FNDC3B: variants seen among roughly 807,000 people sequenced by gnomAD.
The protein encoded by FNDC3B is fibronectin type III domain containing 3B.
In FNDC3B, 12 loss-of-function variants were observed where a neutral mutation model predicts 151.5. The ratio of observed to expected loss-of-function variants is 0.08; its 90% confidence interval spans 0.05 to 0.13. The LOEUF is 0.13. Ranked by LOEUF, FNDC3B falls within the 10% of genes least tolerant of loss-of-function variation. The pLI, the probability that FNDC3B is intolerant of heterozygous loss-of-function variation, is 1.00. For synonymous variants in FNDC3B, 528 were observed against 549.0 expected (o/e 0.96, Z 0.54); for missense variants, 1,214 against 1,505.3 (o/e 0.81, Z 3.20).
chr3:172,394,106 T>TAACAAAAAAA (rs1736154686), intron 25 of FNDC3B, among the ~76,000 whole-genome samples: 1 of 16,644 alleles, frequency 6.0e-5, no homozygotes, highest in Non-Finnish European at 1.1e-4. Context: ...AGACTCCTTC[T>TAACAAAAAAA]AAAAAAAAAA....
Position 172,352,867 on chromosome 3 carries a change from C to T in FNDC3B, c.2579C>T (p.Ala860Val), listed in dbSNP as rs749718449. ...GTCCTTTGCCAGACGCCAGCGTCTG[C>T]CCCTGACCCCGTCTCCACTCTCTGT... ...ELVLCQTPAS[A>V]PDPVSTLCVL... is the part of the protein sequence containing the mutation. Residue 860 changes from alanine (A) to valine (V), a missense_variant, in exon 22 of 26, where the codon GCC becomes GTC. Physicochemically the swap from Ala to Val is moderately conservative, Grantham distance 64. Transcript: ENST00000415807. The surrounding 1 kb of genome is among the most constrained non-coding windows in gnomAD (Gnocchi z 4.2). The T allele has an allele frequency of 3.7e-6, 6 of 1,614,130 alleles. No individual in the cohort carries two copies. The South Asian group carries it at 5.5e-5, about 15-fold the overall frequency.
At chr3:172,386,995 C>T (rs1046323765) in intron 25 of FNDC3B, among the ~76,000 whole-genome samples, 5 of 152,028 alleles carry the variant, frequency 3.3e-5, no homozygotes, top group Non-Finnish European at 5.9e-5. Flanking sequence ...CTCGCTCTGT[C>T]GCCCAGGCTG....
At position 172,100,476 on chromosome 3, in the gene FNDC3B, GAA is replaced by G. The variant is rs112019144; in HGVS notation, c.-28-11973_-28-11972del. 6.9e-4 allele frequency among the ~76,000 whole-genome samples: 105 copies of G among 152,246 alleles called. 1 individual carries two copies. The highest frequency in any genetic ancestry group is 2.4e-3 in the African/African-American group (101 of 41,546). On this transcript the variant is annotated intron_variant, in intron 1 of 25. Transcript: ENST00000415807. ...GGTGTGCGACAGTTTTCTGTCGAGAGAAAATATTTTTCTAGAGAATTTTGCAT... is the reference window on the plus strand; with the variant it reads ...GGTGTGCGACAGTTTTCTGTCGAGAGAATATTTTTCTAGAGAATTTTGCAT...
intron 6 of FNDC3B, among the ~76,000 whole-genome samples, chr3:172,255,731 A>G (rs1289204459): frequency 2.6e-5 from 4 of 152,190 alleles, no homozygotes. Flanking sequence ...AAAGGTTGCC[A>G]CTGGGTAGAA....
At chr3:172,362,607 C>T in intron 22 of FNDC3B, 26 bp from the exon 23 acceptor site, 1 of 1,529,640 alleles carries the variant, frequency 6.5e-7, no homozygotes, top group Non-Finnish European at 9.1e-7. Context: ...CCTGCATTGT[C>T]TGTATTTTTT....
rs28813196 is a variant in FNDC3B, at chr3:172,360,511, A to G, written c.2796-2122A>G. On this transcript the variant is annotated intron_variant, in intron 22 of 25. Coordinates refer to ENST00000415807, the MANE Select transcript of FNDC3B (RefSeq NM_022763.4). ...TTCATGTCATATCCAAAAACTCTTT[A>G]CTTAATTCTAGGTAGTAGATTTTCT... Among the ~76,000 whole-genome samples the G allele has an allele frequency of 5.5e-3, 834 of 152,270 alleles. 6 individuals carry two copies. Among genetic ancestry groups the G allele is most frequent in the African/African-American group, 0.019 (796 of 41,562 alleles).
chr3:172,313,906 G>A (rs1475619373), intron 11 of FNDC3B, among the ~76,000 whole-genome samples: 1 of 152,064 alleles, frequency 6.6e-6, no homozygotes, highest in Non-Finnish European at 1.5e-5. Flanking sequence ...TTAGAGCTAA[G>A]TTGAGGATCA....
At chr3:172,248,237 T>C (rs1727881933) in intron 5 of FNDC3B, among the ~76,000 whole-genome samples, 2 of 152,180 alleles carry the variant, frequency 1.3e-5, no homozygotes. Flanking sequence ...CTCAAGAACC[T>C]TTAGGTTTCC....
intron 3 of FNDC3B, among the ~76,000 whole-genome samples, chr3:172,196,857 A>G (rs1316300994): frequency 6.6e-6 from 1 of 152,092 alleles, no homozygotes; most frequent in African/African-American, 2.4e-5. Context: ...GGTTAAATAT[A>G]TGCTTTCGGT....
chr3:172,097,934 TTAG>T (rs758748576), intron 1 of FNDC3B, among the ~76,000 whole-genome samples: 1 of 152,190 alleles, frequency 6.6e-6, no homozygotes, highest in Non-Finnish European at 1.5e-5. Context: ...AATTGATAGA[TTAG>T]TAGAACTGGC....
At chr3:172,238,715 A>T (rs1727297559) in intron 4 of FNDC3B, among the ~76,000 whole-genome samples, 1 of 152,206 alleles carries the variant, frequency 6.6e-6, no homozygotes. Context: ...ACCATATTAG[A>T]AAATGCAGAG....
At chr3:172,195,062 A>T (rs1488994368) in intron 3 of FNDC3B, among the ~76,000 whole-genome samples, 1 of 152,240 alleles carries the variant, frequency 6.6e-6, no homozygotes, top group Non-Finnish European at 1.5e-5. Context: ...AAAGAAAACA[A>T]AGTCTAAATT....
At chr3:172,372,595 G>A (rs1212746919) in intron 23 of FNDC3B, among the ~76,000 whole-genome samples, 1 of 152,158 alleles carries the variant, frequency 6.6e-6, no homozygotes, top group African/African-American at 2.4e-5. Context: ...AGAACTAAAT[G>A]TCTGGCATAG....
chr3:172,346,284 C>A, intron 19 of FNDC3B, 43 bp from the exon 20 acceptor site: 3 of 1,147,360 alleles, frequency 2.6e-6, no homozygotes, highest in Non-Finnish European at 2.6e-6. Context: ...CAAACACATA[C>A]ACGCATATAT....
chr3:172,192,831 A>G (rs1478812712), intron 3 of FNDC3B, among the ~76,000 whole-genome samples: 1 of 152,116 alleles, frequency 6.6e-6, no homozygotes, highest in Admixed American at 6.5e-5. Flanking sequence ...CTTTAATTGC[A>G]GAACCTCTGA....
chr3:172,192,325 A>G (rs1724561778), intron 3 of FNDC3B, among the ~76,000 whole-genome samples: 1 of 151,696 alleles, frequency 6.6e-6, no homozygotes, highest in African/African-American at 2.4e-5. Flanking sequence ...GGCATGTGCC[A>G]CCACCCCTGG....
rs992727252 is a variant in FNDC3B at position 172,398,523 on chromosome 3, C to G, written c.*1048C>G. 2 of 152,188 alleles carry G rather than the reference C, an allele frequency of 1.3e-5. No homozygotes were observed. The highest frequency in any genetic ancestry group is 4.8e-5 in the African/African-American group (2 of 41,440). The allele number at this position is 152,188 out of a possible 1,614,324, so 9.4% of individuals were successfully genotyped here. A position where few individuals can be genotyped will look rare whatever the true frequency, so the allele number is the denominator to read the frequency against. On this transcript the variant is annotated 3_prime_UTR_variant, in exon 26 of 26. Coordinates refer to ENST00000415807, the MANE Select transcript of FNDC3B (RefSeq NM_022763.4). ...TTCAGTGCACATAATACTAATGTAA[C>G]AGCAGATGAAAATTGATAAAACCCA...
chr3:172,394,127 A>AAAAAAAAAAAAAAAAAAAAAAAAC, intron 25 of FNDC3B, among the ~76,000 whole-genome samples: 1 of 148,012 alleles, frequency 6.8e-6, no homozygotes, highest in Non-Finnish European at 1.5e-5. Flanking sequence ...AAAAAAAAAA[A>AAAAAAAAAAAAAAAAAAAAAAAAC]AAAAAAAAAT....
intron 1 of FNDC3B, among the ~76,000 whole-genome samples, chr3:172,073,270 T>C (rs80074959): frequency 3.2e-4 from 48 of 152,322 alleles, no homozygotes; most frequent in African/African-American, 1.2e-3. Context: ...CCTCCCAACA[T>C]TGGGAATGAA....
Sources: allele counts gnomAD v4.1 joint callset (sites outside exome capture counted in the v4.1 genomes callset), GRCh38; gene constraint gnomAD v4.1.1; non-coding constraint Gnocchi (gnomAD v3.1); transcripts MANE v1.5; gene names NCBI Gene and HGNC (gene_info 2026-07-23, HGNC 2026-07-21).